The following TNIK variants were observed in gnomAD, a reference collection of about 807,000 sequenced individuals.
TNIK encodes the protein TRAF2 and NCK interacting kinase.
TNIK carries 49 observed loss-of-function variants against 191.3 expected under a neutral mutation model. The observed-to-expected ratio is 0.26, with a 90% CI of 0.20 to 0.32. The LOEUF is 0.32. TNIK is among the 10% of genes least tolerant of loss of function. The pLI is 1.00. For synonymous variants in TNIK, 594 were observed against 600.9 expected (o/e 0.99, Z 0.17); for missense variants, 1,155 against 1,702.3 (o/e 0.68, Z 5.66).
chr3:171,337,672 C>T (rs961820228), intron 2 of TNIK, among the ~76,000 whole-genome samples: 2 of 152,184 alleles, frequency 1.3e-5, no homozygotes, highest in Non-Finnish European at 2.9e-5. Flanking sequence ...TCACACCTTT[C>T]CTAATAGAAT....
intron 3 of TNIK, 28 bp downstream of exon 3, chr3:171,228,137 A>G (rs770236093): frequency 6.2e-7 from 1 of 1,613,126 alleles, no homozygotes; most frequent in South Asian, 1.1e-5. Flanking sequence ...CTGCATGGCT[A>G]TTGAGATGGC....
chr3:171,161,536 T>C (rs933944057), intron 10 of TNIK, among the ~76,000 whole-genome samples, 200 bp from the exon 11 acceptor site: 1 of 152,242 alleles, frequency 6.6e-6, no homozygotes, highest in Non-Finnish European at 1.5e-5. Context: ...CGGCTGACTC[T>C]AGATATCTGT....
chr3:171,384,391 T>C (rs961747275), intron 1 of TNIK, among the ~76,000 whole-genome samples: 10 of 152,222 alleles, frequency 6.6e-5, no homozygotes, highest in African/African-American at 2.2e-4. Flanking sequence ...ACTGCACCCA[T>C]GACCATCCAA....
At chr3:171,412,328 G>GA (rs1722523097) in intron 1 of TNIK, among the ~76,000 whole-genome samples, 3 of 152,158 alleles carry the variant, frequency 2.0e-5, no homozygotes, top group South Asian at 2.1e-4. Context: ...AAACCCCAGG[G>GA]AAAAAATAGA....
rs1733643105 is a variant in TNIK, at chr3:171,159,228, G to A, written c.1017-1564C>T. ...GGTGGAGGAGGGAAGGAGCGTTTGG[G>A]GATAGAGGTCACGAAGCCTGTGGAC... On this transcript the variant is annotated intron_variant, in intron 11 of 32. Coordinates refer to ENST00000436636, the MANE Select transcript of TNIK (RefSeq NM_015028.4). This position sits in a 1 kb window ranked among gnomAD's most constrained non-coding sequence, Gnocchi z 4.1. Among the ~76,000 whole-genome samples the A allele has an allele frequency of 6.6e-6, 1 of 151,950 alleles. No individual in the cohort carries two copies. The highest frequency in any genetic ancestry group is 2.1e-4 in the South Asian group (1 of 4,770).
chr3:171,117,587 G>A, intron 18 of TNIK, among the ~76,000 whole-genome samples: 1 of 152,114 alleles, frequency 6.6e-6, no homozygotes, highest in East Asian at 1.9e-4. Context: ...TCAGGCAAAA[G>A]GCAAGGAACT....
rs375545475 is a variant in TNIK at position 171,099,287 on chromosome 3, G to A, written c.2591+2162C>T. ...TCACTAGTCCAGACTCCCCTCCACCGTATACACCATACATTCCCACCAAAG... is the reference window on the plus strand; with the variant it reads ...TCACTAGTCCAGACTCCCCTCCACCATATACACCATACATTCCCACCAAAG... On this transcript the variant is annotated intron_variant, in intron 22 of 32. Coordinates refer to ENST00000436636, the MANE Select transcript of TNIK (RefSeq NM_015028.4). Among the ~76,000 whole-genome samples the A allele has an allele frequency of 9.2e-5, 14 of 151,676 alleles. No individual in the cohort carries two copies. In the East Asian group the frequency reaches 9.7e-4, roughly 11 times the overall value.
intron 12 of TNIK, among the ~76,000 whole-genome samples, chr3:171,155,089 C>T (rs893963860): frequency 3.9e-5 from 6 of 152,088 alleles, no homozygotes; most frequent in African/African-American, 1.4e-4. Context: ...CCTGTGTGAC[C>T]AAAGGGGTAG....
intron 12 of TNIK, among the ~76,000 whole-genome samples, chr3:171,146,098 C>T (rs896525966): frequency 3.9e-5 from 6 of 152,200 alleles, no homozygotes; most frequent in East Asian, 1.9e-4. Flanking sequence ...AACCACTTCA[C>T]ATCTGTCTCT....
intron 2 of TNIK, among the ~76,000 whole-genome samples, chr3:171,327,132 T>C (rs968988101): frequency 2.0e-5 from 3 of 152,230 alleles, no homozygotes; most frequent in Non-Finnish European, 2.9e-5. Flanking sequence ...GGGTCTGTTA[T>C]GCAATTATAC....
chr3:171,107,433 T>C (rs924539934), intron 20 of TNIK, among the ~76,000 whole-genome samples: 1 of 152,134 alleles, frequency 6.6e-6, no homozygotes, highest in Admixed American at 6.5e-5. Context: ...TTCACGTTCA[T>C]TTTACAGAAA....
intron 1 of TNIK, among the ~76,000 whole-genome samples, chr3:171,444,287 C>T (rs1482413391): frequency 6.6e-6 from 1 of 152,144 alleles, no homozygotes; most frequent in Non-Finnish European, 1.5e-5. Context: ...TGTGGGATTT[C>T]CCAGTAAGGA....
At chr3:171,376,028 C>T (rs1029756458) in intron 1 of TNIK, among the ~76,000 whole-genome samples, 1 of 152,142 alleles carries the variant, frequency 6.6e-6, no homozygotes, top group African/African-American at 2.4e-5. Context: ...TGACATCTGC[C>T]AAACGACTGT....
At chr3:171,267,078 G>A (rs1748488693) in intron 2 of TNIK, among the ~76,000 whole-genome samples, 1 of 152,258 alleles carries the variant, frequency 6.6e-6, no homozygotes, top group South Asian at 2.1e-4. Flanking sequence ...TTCTTAGGAT[G>A]CATTTAACTT....
At chr3:171,227,052 C>G (rs1743048950) in intron 3 of TNIK, among the ~76,000 whole-genome samples, 1 of 151,978 alleles carries the variant, frequency 6.6e-6, no homozygotes, top group Admixed American at 6.6e-5. Context: ...AGACTTTGGT[C>G]TTTTAGCTTT....
At chr3:171,200,422 G>A (rs1220847003) in intron 4 of TNIK, among the ~76,000 whole-genome samples, 1 of 151,896 alleles carries the variant, frequency 6.6e-6, no homozygotes, top group East Asian at 1.9e-4. Context: ...AATAACAAAG[G>A]TTAATTTTTA....
chr3:171,371,969 G>A (rs1363371674), intron 1 of TNIK, among the ~76,000 whole-genome samples: 3 of 151,850 alleles, frequency 2.0e-5, no homozygotes, highest in Non-Finnish European at 4.4e-5. Flanking sequence ...AGAGATACAG[G>A]ACAGTGATGA....
intron 1 of TNIK, among the ~76,000 whole-genome samples, chr3:171,444,749 T>C (rs1034428995): frequency 2.0e-5 from 3 of 152,208 alleles, no homozygotes; most frequent in Non-Finnish European, 4.4e-5. Flanking sequence ...GAATGTGTAC[T>C]GTCCACAATT....
intron 13 of TNIK, 45 bp downstream of exon 13, chr3:171,140,354 G>C (rs116346346): frequency 6.8e-7 from 1 of 1,480,424 alleles, no homozygotes; most frequent in Non-Finnish European, 9.0e-7. Flanking sequence ...GCTGGTGCTG[G>C]GGTCCCCGGG....
Sources: gnomAD v4.1 joint callset for allele counts (sites outside exome capture counted in the v4.1 genomes callset) on GRCh38, gnomAD v4.1.1 for gene constraint, Gnocchi (gnomAD v3.1) non-coding constraint, MANE v1.5 for transcripts, NCBI Gene and HGNC (gene_info 2026-07-23, HGNC 2026-07-21) for gene names.